Variants in LOXHD1 observed in about 807,000 individuals in gnomAD.
The protein encoded by LOXHD1 is lipoxygenase homology domain-containing protein 1.
LOXHD1 carries 205 observed loss-of-function variants against 248.2 expected under a neutral mutation model. The ratio of observed to expected loss-of-function variants is 0.83; its 90% CI spans 0.74 to 0.93. The LOEUF (loss-of-function observed/expected upper bound fraction) is 0.93. LOXHD1 is among the 40% of genes least tolerant of loss of function. The pLI, the probability that LOXHD1 is intolerant of heterozygous loss-of-function variation, is 0.00. For synonymous variants in LOXHD1, 1,113 were observed against 1,162.8 expected, an observed-to-expected ratio of 0.96 and a Z score of 0.87; for missense variants, 2,930 against 2,971.6, an observed-to-expected ratio of 0.99 and a Z score of 0.33.
rs727504468 is a variant in LOXHD1 at position 46,559,519 on chromosome 18, C to T, written c.3145G>A (p.Glu1049Lys). 5.2e-6 allele frequency: 8 copies of T among 1,552,052 alleles called. No homozygotes were observed. Among genetic ancestry groups the T allele is most frequent in the South Asian group, 2.4e-5 (2 of 84,054 alleles). ...DANVYLTIYG[E>K]EYGDTGERPL... is the part of the protein sequence containing the mutation. ...CGTTCGCCCGTGTCTCCATACTCCT[C>T]GCCGTAGATGGTTAGGTAGACGTTA... is the stretch of plus-strand genomic sequence containing the variant. The change falls in exon 20 of 41, where the codon GAG becomes AAG. Residue 1049 changes from glutamate to lysine, a missense_variant. Coordinates refer to ENST00000642948, the MANE Select transcript of LOXHD1 (RefSeq NM_001384474.1).
At chr18:46,498,740 A>T (rs1041095359) in intron 37 of LOXHD1, among the ~76,000 whole-genome samples, 2 of 152,104 alleles carry the variant, frequency 1.3e-5, no homozygotes, top group Non-Finnish European at 2.9e-5. Context: ...ATCCATGGTG[A>T]TCTCATCTCA....
At chr18:46,644,979 A>G (rs917669780) in intron 2 of LOXHD1, among the ~76,000 whole-genome samples, 1 of 152,222 alleles carries the variant, frequency 6.6e-6, no homozygotes, top group East Asian at 1.9e-4. Context: ...TGGGTTCCGC[A>G]GTGCTTATGA....
intron 2 of LOXHD1, 81 bp from the exon 3 acceptor site, chr18:46,642,117 T>C (rs2038970652): frequency 8.0e-7 from 1 of 1,247,756 alleles, no homozygotes; most frequent in South Asian, 1.3e-5. Context: ...GGCATTCCGC[T>C]TCTTCCTCCA....
At chr18:46,543,058 G>T (rs1430872136) in intron 23 of LOXHD1, among the ~76,000 whole-genome samples, 1 of 152,154 alleles carries the variant, frequency 6.6e-6, no homozygotes, top group Admixed American at 6.5e-5. Flanking sequence ...TGGGGTACAG[G>T]TGGTTTTTGG....
chr18:46,564,639 G>C (rs1272283227), intron 17 of LOXHD1, among the ~76,000 whole-genome samples: 1 of 152,064 alleles, frequency 6.6e-6, no homozygotes, highest in Non-Finnish European at 1.5e-5. Context: ...AGGGGGGTTG[G>C]GGTAAGGGGA....
chr18:46,543,941 T>A (rs2036680924), intron 23 of LOXHD1, among the ~76,000 whole-genome samples: 1 of 152,158 alleles, frequency 6.6e-6, no homozygotes, highest in African/African-American at 2.4e-5. Context: ...AGAGGAGGGA[T>A]GAATTTGAAT....
chr18:46,616,756 C>G (rs1174663481), intron 5 of LOXHD1, among the ~76,000 whole-genome samples: 2 of 152,152 alleles, frequency 1.3e-5, no homozygotes, highest in East Asian at 3.8e-4. Context: ...GATATATATC[C>G]TTGCTTAGAA....
Position 46,621,513 on chromosome 18 carries a change from C to T in LOXHD1, c.512-3223G>A, listed in dbSNP as rs12954791. 8.0e-3 allele frequency among the ~76,000 whole-genome samples: 1,213 copies of T among 152,310 alleles called. 3 individuals carry two copies. Among genetic ancestry groups the T allele is most frequent in the Non-Finnish European group, 0.012 (849 of 68,024 alleles). ...GCTCCATTCTGTCACTGTTGGCAAA[C>T]GTCAGCTCAGGGCATCAAGCCTTCC... is the stretch of plus-strand genomic sequence containing the variant. On this transcript the variant is annotated intron_variant, in intron 4 of 40. Coordinates refer to ENST00000642948, the MANE Select transcript of LOXHD1 (RefSeq NM_001384474.1).
chr18:46,527,941 G>C (rs572461628), intron 29 of LOXHD1, among the ~76,000 whole-genome samples: 1 of 152,274 alleles, frequency 6.6e-6, no homozygotes, highest in Non-Finnish European at 1.5e-5. Context: ...GGAGTGCTGG[G>C]GGGTCTGACT....
At chr18:46,487,788 G>C (rs1462317567) in intron 38 of LOXHD1, among the ~76,000 whole-genome samples, 1 of 152,232 alleles carries the variant, frequency 6.6e-6, no homozygotes, top group Non-Finnish European at 1.5e-5. Flanking sequence ...GAGGAGAAGA[G>C]AGAAAGAGAC....
At chr18:46,639,859 A>G in intron 3 of LOXHD1, 59 bp from the exon 4 acceptor site, 1 of 1,531,056 alleles carries the variant, frequency 6.5e-7, no homozygotes, top group East Asian at 2.5e-5. Context: ...CACCCCTTCC[A>G]TACTGGAATA....
rs2038191465 is a variant in LOXHD1 at position 46,592,563 on chromosome 18, T to G, written c.1453A>C (p.Arg485=). Residue 485 remains arginine, a synonymous_variant, in exon 11 of 41, where the codon AGG becomes CGG. Transcript: ENST00000642948. Reference sequence around the variant, plus strand: ...TGCCATACTCGAATCTTATAAAACCTGCCAAGATCCGGGAGCTCAATCTAT... The same window carrying G: ...TGCCATACTCGAATCTTATAAAACCGGCCAAGATCCGGGAGCTCAATCTAT... ...KFRIELPDLG[R]FYKIRVWHDK... 1 of 1,551,494 alleles carries G rather than the reference T, an allele frequency of 6.4e-7. No homozygotes were observed.
chr18:46,550,684 C>T (rs1568173846), intron 21 of LOXHD1, among the ~76,000 whole-genome samples: 1 of 151,778 alleles, frequency 6.6e-6, no homozygotes, highest in Non-Finnish European at 1.5e-5. Context: ...CTTCCATCAA[C>T]CAGGGTCCCT....
chr18:46,541,692 C>A, intron 25 of LOXHD1, 84 bp downstream of exon 25: 1 of 1,480,704 alleles, frequency 6.8e-7, no homozygotes, highest in South Asian at 1.2e-5. Flanking sequence ...CACAGTCAAT[C>A]CTGAAGGAAG....
In LOXHD1 at chr18:46,563,212, C is replaced by G. The variant is rs1209017939; in HGVS notation, c.2451G>C (p.Glu817Asp). The G allele has an allele frequency of 1.3e-6, 2 of 1,509,104 alleles. No individual in the cohort carries two copies. The highest frequency in any genetic ancestry group is 2.8e-5 in the African/African-American group (2 of 72,448). The allele number at this position is 1,509,104 out of a possible 1,614,324, so 93.5% of individuals were successfully genotyped here. ...CCACATCTCCTGTCCAAATCTCAACCTCATAGTGGACCACTGGGTGGGCAC... is the reference window on the plus strand; with the variant it reads ...CCACATCTCCTGTCCAAATCTCAACGTCATAGTGGACCACTGGGTGGGCAC... ...VVEIQKLVHY[E>D]VEIWTGDVGG... Residue 817 changes from glutamate to aspartate, a missense_variant, in exon 18 of 41, where the codon GAG (glutamate) becomes GAC (aspartate). Physicochemically the swap from Glu to Asp is conservative, Grantham distance 45 (BLOSUM62 2). Transcript: ENST00000642948.
chr18:46,570,282 G>A (rs1409200829), intron 15 of LOXHD1, among the ~76,000 whole-genome samples: 3 of 152,200 alleles, frequency 2.0e-5, no homozygotes, highest in Non-Finnish European at 2.9e-5. Flanking sequence ...AAAAACACCC[G>A]AGGAAAAGGT....
At chr18:46,655,423 G>C (rs2039167564) in intron 1 of LOXHD1, among the ~76,000 whole-genome samples, 1 of 152,198 alleles carries the variant, frequency 6.6e-6, no homozygotes, top group Non-Finnish European at 1.5e-5. Context: ...GTGTGCTGCT[G>C]GCTGTGAGAG....
At chr18:46,573,499 C>T (rs2037796104) in intron 14 of LOXHD1, among the ~76,000 whole-genome samples, 4 of 152,218 alleles carry the variant, frequency 2.6e-5, no homozygotes, top group Admixed American at 2.6e-4. Context: ...CAAACCACCT[C>T]CCATTTGTCT....
chr18:46,542,382 CTG>C lies in LOXHD1; in HGVS notation c.3748+343_3748+344del, dbSNP rs1294720776. 2.0e-5 allele frequency among the ~76,000 whole-genome samples: 3 copies of C among 152,174 alleles called. No individual in the cohort carries two copies. The East Asian group carries it at 5.8e-4, about 29-fold the overall frequency. On this transcript the variant is annotated intron_variant, in intron 24 of 40. Transcript: ENST00000642948. ...GGCTCTGGGGGTGGAGCCAAGAAAT[CTG>C]TGAGTTAATAACCCCCCAGGTGATC...
Sources: gnomAD v4.1 joint callset for allele counts (sites outside exome capture counted in the v4.1 genomes callset) on GRCh38, gnomAD v4.1.1 for gene constraint, MANE v1.5 for transcripts, NCBI Gene and HGNC (gene_info 2026-07-23, HGNC 2026-07-21) for gene names.